Variants in MXRA7 observed in about 807,000 individuals in gnomAD.
The protein encoded by MXRA7 is matrix remodeling associated 7, also known as matrix-remodeling-associated protein 7.
In MXRA7, 18 loss-of-function variants were observed where a neutral mutation model predicts 17.4. The observed-to-expected ratio is 1.03, with a 90% CI of 0.71 to 1.53. MXRA7 has a LOEUF of 1.53. Ranked by LOEUF, MXRA7 falls within the 40% of genes most tolerant of loss-of-function variation. MXRA7 has a pLI of 0.00. For synonymous variants in MXRA7, 70 were observed against 101.7 expected (o/e 0.69, Z 1.87); for missense variants, 141 against 209.3 (o/e 0.67, Z 2.01).
chr17:76,697,751 T>C (rs2076547341), intron 1 of MXRA7, among the ~76,000 whole-genome samples: 1 of 152,146 alleles, frequency 6.6e-6, no homozygotes, highest in African/African-American at 2.4e-5. Flanking sequence ...GAGGCCAAGC[T>C]GAGGGGCCCG....
At chr17:76,702,409 G>A (rs2159357) in intron 1 of MXRA7, among the ~76,000 whole-genome samples, 82,485 of 152,022 alleles carry the variant, frequency 0.54, 22,571 homozygotes, top group East Asian at 0.68. Context: ...TTAGGAGGCC[G>A]AGGCATGAGG....
chr17:76,710,868 C>T lies in MXRA7; in HGVS notation c.79G>A (p.Val27Met), dbSNP rs1014015674. The T allele has an allele frequency of 2.7e-5, 27 of 987,676 alleles. No individual in the cohort carries two copies. In the African/African-American group the frequency reaches 4.1e-4, roughly 15 times the overall value. 61.2% of individuals were successfully genotyped at this position (987,676 alleles called of 1,614,324 possible). The change falls in exon 1 of 4, where the codon GTG (valine) becomes ATG (methionine). Residue 27 changes from valine (V) to methionine (M), a missense_variant. Coordinates refer to ENST00000449428, the MANE Select transcript of MXRA7 (RefSeq NM_198530.4). ...GGGCTCGCGGCCGCCCCACGCCGCA[C>T]CAGTAGCCAGGCGAGCAGAAGGGCC... Reference protein sequence around the residue: ...ALALLLAWLLVRRGAAASPEP... With the variant: ...ALALLLAWLLMRRGAAASPEP...
chr17:76,680,642 G>C lies in MXRA7; in HGVS notation c.*225C>G. 7.5e-7 allele frequency: 1 copy of C among 1,331,262 alleles called. No individual in the cohort carries two copies. Among genetic ancestry groups the C allele is most frequent in the Non-Finnish European group, 9.6e-7 (1 of 1,037,110 alleles). The allele number at this position is 1,331,262 out of a possible 1,614,324, so 82.5% of individuals were successfully genotyped here. ...TTCAGCTTAACAAAGTGACCCACAG[G>C]AACAGACATGAACATCTCTACACAG... On this transcript the variant is annotated 3_prime_UTR_variant, in exon 4 of 4. Coordinates refer to ENST00000449428, the MANE Select transcript of MXRA7 (RefSeq NM_198530.4).
intron 1 of MXRA7, among the ~76,000 whole-genome samples, chr17:76,702,097 G>C (rs1051129964): frequency 6.6e-6 from 1 of 152,226 alleles, no homozygotes; most frequent in Admixed American, 6.5e-5. Flanking sequence ...ATAGGACAGA[G>C]AAGAAAACTA....
At chr17:76,687,477 A>G (rs1328732756) in intron 2 of MXRA7, among the ~76,000 whole-genome samples, 1 of 152,216 alleles carries the variant, frequency 6.6e-6, no homozygotes, top group Non-Finnish European at 1.5e-5. Context: ...GAGCCAACAA[A>G]CGCTGACATC....
chr17:76,689,873 T>C (rs1046622925), intron 1 of MXRA7: 1 of 151,954 alleles, frequency 6.6e-6, no homozygotes, highest in Non-Finnish European at 1.5e-5. Context: ...TAGCCGAGTG[T>C]TGTGGCAGGT....
rs1263284928 is a variant in MXRA7, at chr17:76,681,486, T to C, written c.501-607A>G. On this transcript the variant is annotated intron_variant, in intron 3 of 3. Transcript: ENST00000449428. This position sits in a 1 kb window ranked among gnomAD's most constrained non-coding sequence, Gnocchi z 4.7. ...AATTCACACTGGCAGGTCTATTGTCTGTAGTTTCTTGCATACATCAGATGG... is the reference window on the plus strand; with the variant it reads ...AATTCACACTGGCAGGTCTATTGTCCGTAGTTTCTTGCATACATCAGATGG... Among the ~76,000 whole-genome samples the C allele has an allele frequency of 6.6e-6, 1 of 152,150 alleles. No homozygotes were observed. Among genetic ancestry groups the C allele is most frequent in the Admixed American group, 6.5e-5 (1 of 15,284 alleles).
chr17:76,695,286 G>GT (rs1163192393), intron 1 of MXRA7, among the ~76,000 whole-genome samples: 1 of 152,112 alleles, frequency 6.6e-6, no homozygotes, highest in Non-Finnish European at 1.5e-5. Flanking sequence ...AGAAGTGCCG[G>GT]TTTCAGACAC....
At chr17:76,677,576 C>T (rs199938410), downstream of MXRA7, 36 of 1,594,564 alleles carry the variant, frequency 2.3e-5, no homozygotes, top group Admixed American at 3.3e-5. Context: ...CTGTGCATCC[C>T]GTGGGCGCAG....
intron 1 of MXRA7, among the ~76,000 whole-genome samples, chr17:76,702,873 G>GTATATATATATATATATATATATACACA (rs776480689): frequency 7.0e-6 from 1 of 141,882 alleles, no homozygotes; most frequent in East Asian, 2.4e-4. Flanking sequence ...ATATATATAC[G>GTATATATATATATATATATATATACACA]TATATATATA....
At chr17:76,685,295 C>T in intron 2 of MXRA7, 130 bp from the exon 3 acceptor site, 1 of 678,790 alleles carries the variant, frequency 1.5e-6, no homozygotes, top group East Asian at 2.6e-5. Context: ...AGAGACATCT[C>T]ACCCCAGCGC....
chr17:76,701,816 C>T (rs1451503221), intron 1 of MXRA7, among the ~76,000 whole-genome samples: 1 of 152,198 alleles, frequency 6.6e-6, no homozygotes, highest in East Asian at 1.9e-4. Context: ...ATTCCAACCT[C>T]ACATCCCGAT....
intron 1 of MXRA7, among the ~76,000 whole-genome samples, chr17:76,696,985 C>G (rs1394187550): frequency 6.6e-6 from 1 of 152,194 alleles, no homozygotes; most frequent in African/African-American, 2.4e-5. Context: ...GCCATCATCA[C>G]CGCGGAGTTC....
At chr17:76,683,369 C>T (rs529516501) in intron 3 of MXRA7, among the ~76,000 whole-genome samples, 5 of 152,316 alleles carry the variant, frequency 3.3e-5, no homozygotes, top group East Asian at 3.9e-4. Flanking sequence ...AGATGTGGCC[C>T]GGCCGTTGTC....
chr17:76,696,826 C>A (rs12450432), intron 1 of MXRA7, among the ~76,000 whole-genome samples: 20,592 of 152,222 alleles, frequency 0.14, 1,626 homozygotes, highest in East Asian at 0.31. Context: ...TCCTCCCCAC[C>A]ATCAGGCAGC....
intron 2 of MXRA7, among the ~76,000 whole-genome samples, chr17:76,685,908 G>C (rs982354004): frequency 9.2e-5 from 14 of 152,332 alleles, no homozygotes; most frequent in African/African-American, 3.4e-4. Flanking sequence ...CAACCTCTTG[G>C]TTCCTGAATC....
intron 3 of MXRA7, chr17:76,683,792 C>A (rs375701830): frequency 1.4e-6 from 2 of 1,383,022 alleles, no homozygotes; most frequent in African/African-American, 1.4e-5. Context: ...TTTGGGGGCA[C>A]GTTAGCACGC....
At chr17:76,701,418 A>C (rs1362722163) in intron 1 of MXRA7, among the ~76,000 whole-genome samples, 1 of 151,994 alleles carries the variant, frequency 6.6e-6, no homozygotes, top group Non-Finnish European at 1.5e-5. Flanking sequence ...GAAATGAGGC[A>C]CTTGTCAGCG....
At position 76,680,724 on chromosome 17, in the gene MXRA7, G is replaced by C. The variant is rs1176115815; in HGVS notation, c.*143C>G. The stretch of plus-strand genomic sequence containing the variant: ...TAGCCAAGGGACAAGTCCTGATTGA[G>C]GGTCTAGAGCTCAGCAGATTTATGG... On this transcript the variant is annotated 3_prime_UTR_variant, in exon 4 of 4. Transcript: ENST00000449428. 1 of 1,464,132 alleles carries C rather than the reference G, an allele frequency of 6.8e-7. No individual in the cohort carries two copies. The highest frequency in any genetic ancestry group is 2.7e-5 in the Admixed American group (1 of 36,518). The allele number at this position is 1,464,132 out of a possible 1,614,324, so 90.7% of individuals were successfully genotyped here.
Sources: gnomAD v4.1 joint callset for allele counts (sites outside exome capture counted in the v4.1 genomes callset) on GRCh38, gnomAD v4.1.1 for gene constraint, Gnocchi (gnomAD v3.1) non-coding constraint, MANE v1.5 for transcripts, NCBI Gene and HGNC (gene_info 2026-07-23, HGNC 2026-07-21) for gene names.